ACVR1: variants seen among roughly 807,000 people sequenced by gnomAD.
The protein encoded by ACVR1 is activin receptor type-1.
ACVR1 carries 38 observed loss-of-function variants against 57.1 expected under a neutral mutation model. The ratio of observed to expected loss-of-function variants is 0.67; its 90% CI spans 0.51 to 0.87. ACVR1 has a LOEUF of 0.87. Among genes scored for constraint, ACVR1 ranks in the 40% least tolerant of loss-of-function variants. The pLI is 0.00. For missense variants in ACVR1, 463 were observed against 638.2 expected, an observed-to-expected ratio of 0.73 and a Z score of 2.96; for synonymous variants, 212 against 228.1, an observed-to-expected ratio of 0.93 and a Z score of 0.63.
At chr2:157,765,513 A>G (rs1685830783) in intron 8 of ACVR1, among the ~76,000 whole-genome samples, 2 of 152,228 alleles carry the variant, frequency 1.3e-5, no homozygotes, top group South Asian at 4.1e-4. Flanking sequence ...GGGTTTTACA[A>G]CATTTGTCAA....
At chr2:157,844,383 G>A (rs1048696464) in intron 1 of ACVR1, among the ~76,000 whole-genome samples, 2 of 151,958 alleles carry the variant, frequency 1.3e-5, no homozygotes, top group Admixed American at 1.3e-4. Context: ...CCCTCCAGAG[G>A]CCTTTCTCAG....
intron 1 of ACVR1, chr2:157,875,488 AACACAC>A (rs58754072): frequency 6.2e-5 from 9 of 145,820 alleles, no homozygotes; most frequent in Non-Finnish European, 1.2e-4. Flanking sequence ...AGGAGTTCAC[AACACAC>A]ACACACACAC....
chr2:157,819,637 T>G (rs1244249333), intron 1 of ACVR1: 1 of 152,134 alleles, frequency 6.6e-6, no homozygotes, highest in Non-Finnish European at 1.5e-5. Flanking sequence ...CAAATATATC[T>G]GATTTTGGTC....
At chr2:157,847,109 G>GC (rs1689147604) in intron 1 of ACVR1, among the ~76,000 whole-genome samples, 1 of 152,194 alleles carries the variant, frequency 6.6e-6, no homozygotes, top group African/African-American at 2.4e-5. Context: ...GAATGATGTT[G>GC]CACAGGAGAG....
chr2:157,811,572 T>C (rs1687753924), intron 2 of ACVR1, among the ~76,000 whole-genome samples: 1 of 152,214 alleles, frequency 6.6e-6, no homozygotes, highest in African/African-American at 2.4e-5. Context: ...GCAGCCTTAT[T>C]TCCTCCATTC....
intron 1 of ACVR1, among the ~76,000 whole-genome samples, chr2:157,839,111 A>G (rs1490533221): frequency 1.3e-5 from 2 of 151,670 alleles, no homozygotes; most frequent in Admixed American, 6.6e-5. Flanking sequence ...TCAGCAAAAC[A>G]GGGGAAAATC....
chr2:157,854,722 C>CA (rs34911478), intron 1 of ACVR1, among the ~76,000 whole-genome samples: 5,919 of 84,674 alleles, frequency 0.07, 191 homozygotes, highest in African/African-American at 0.13. Context: ...GACTCCGTCT[C>CA]AAAAAAAAAA....
In ACVR1 at chr2:157,876,098, A is replaced by C; in HGVS notation, c.-485T>G. ...GCGGCAGCGGCAGCCACCCGGGGGA[A>C]AGAGCCGGGGGAGGGCGGGGAGGCG... On this transcript the variant is annotated 5_prime_UTR_variant, in exon 1 of 11. Transcript: ENST00000434821. 2.2e-5 allele frequency among the ~76,000 whole-genome samples: 3 copies of C among 138,478 alleles called. No individual in the cohort carries two copies. Among genetic ancestry groups the C allele is most frequent in the Admixed American group, 7.0e-5 (1 of 14,264 alleles). The allele number at this position is 138,478 out of a possible 152,430, so 90.8% of individuals were successfully genotyped here.
At chr2:157,791,879 C>T (rs1279274734) in intron 3 of ACVR1, among the ~76,000 whole-genome samples, 1 of 152,150 alleles carries the variant, frequency 6.6e-6, no homozygotes, top group African/African-American at 2.4e-5. Context: ...GAAGTCATTA[C>T]TGTAACTCTA....
In ACVR1 at chr2:157,837,850, G is replaced by A. The variant is rs985534391; in HGVS notation, c.-182-19291C>T. ...AGGTAGAGAACAAAAGAACTGCCCC[G>A]CAAGCCAGTCATTGAACGTGGACTC... On this transcript the variant is annotated intron_variant, in intron 1 of 10. Transcript: ENST00000434821. Among the ~76,000 whole-genome samples the A allele has an allele frequency of 3.3e-5, 5 of 152,108 alleles. No individual in the cohort carries two copies. The East Asian group carries it at 5.8e-4, about 18-fold the overall frequency.
intron 1 of ACVR1, among the ~76,000 whole-genome samples, chr2:157,835,498 T>G (rs574384805): frequency 6.6e-6 from 1 of 152,326 alleles, no homozygotes; most frequent in East Asian, 1.9e-4. Flanking sequence ...TTTCTTTCCT[T>G]AACACTTTTT....
At chr2:157,828,445 G>A (rs1258318329) in intron 1 of ACVR1, among the ~76,000 whole-genome samples, 5 of 72,102 alleles carry the variant, frequency 6.9e-5, no homozygotes, top group Middle Eastern at 0.013. Context: ...GCAAGACTCC[G>A]TCTCAAAAAA....
intron 7 of ACVR1, among the ~76,000 whole-genome samples, chr2:157,766,950 G>A (rs1685884281): frequency 6.6e-6 from 1 of 152,224 alleles, no homozygotes; most frequent in Non-Finnish European, 1.5e-5. Flanking sequence ...GCTTCCATTA[G>A]GAAGTGGCAA....
chr2:157,803,448 C>T (rs542191031), intron 2 of ACVR1, among the ~76,000 whole-genome samples: 2 of 152,100 alleles, frequency 1.3e-5, no homozygotes, highest in South Asian at 2.1e-4. Context: ...AAACAGCACC[C>T]CCAAAAGGAA....
chr2:157,740,184 CAAA>C, intron 9 of ACVR1, among the ~76,000 whole-genome samples: 1 of 128,452 alleles, frequency 7.8e-6, no homozygotes. Context: ...GATTCTGTCT[CAAA>C]AAAAAAAAAA....
At chr2:157,860,519 T>C (rs1689683780) in intron 1 of ACVR1, among the ~76,000 whole-genome samples, 2 of 152,236 alleles carry the variant, frequency 1.3e-5, no homozygotes, top group Non-Finnish European at 2.9e-5. Context: ...ATGGTTTTCT[T>C]CAAAGCCAAT....
At chr2:157,788,267 T>G (rs1686786229) in intron 3 of ACVR1, among the ~76,000 whole-genome samples, 1 of 152,184 alleles carries the variant, frequency 6.6e-6, no homozygotes, top group African/African-American at 2.4e-5. Flanking sequence ...TTCGGTTACC[T>G]ACCATCAACC....
chr2:157,867,062 T>C (rs991774626), intron 1 of ACVR1, among the ~76,000 whole-genome samples: 2 of 152,190 alleles, frequency 1.3e-5, no homozygotes, highest in African/African-American at 4.8e-5. Flanking sequence ...TTCTGGGTTC[T>C]TGCTCTCCCA....
intron 2 of ACVR1, among the ~76,000 whole-genome samples, chr2:157,809,971 G>A (rs1687696315): frequency 6.6e-6 from 1 of 152,088 alleles, no homozygotes; most frequent in Admixed American, 6.5e-5. Context: ...AGCTGCTCTG[G>A]AGGCTGGGAC....
Sources: gnomAD v4.1 joint callset for allele counts (sites outside exome capture counted in the v4.1 genomes callset) on GRCh38, gnomAD v4.1.1 for gene constraint, MANE v1.5 for transcripts, NCBI Gene and HGNC (gene_info 2026-07-23, HGNC 2026-07-21) for gene names.